WDR47: variants seen among roughly 807,000 people sequenced by gnomAD.
The protein encoded by WDR47 is WD repeat-containing protein 47.
A neutral mutation model predicts 97.2 loss-of-function variants in WDR47; 32 were observed. The ratio of observed to expected loss-of-function variants is 0.33; its 90% confidence interval spans 0.25 to 0.44. The LOEUF (loss-of-function observed/expected upper bound fraction) is 0.44, where lower values mean the gene tolerates loss of function less well. WDR47 is among the 20% of genes least tolerant of loss of function. WDR47 has a pLI of 1.00. For synonymous variants in WDR47, 375 were observed against 373.5 expected (o/e 1.00, Z -0.05); for missense variants, 782 against 1,102.3 (o/e 0.71, Z 4.11).
intron 9 of WDR47, among the ~76,000 whole-genome samples, chr1:108,990,632 T>G (rs1659254547): frequency 6.6e-6 from 1 of 152,182 alleles, no homozygotes; most frequent in Admixed American, 6.5e-5. Flanking sequence ...TGTTATCTAT[T>G]TCATCCCTAA....
chr1:108,986,792 A>G, intron 9 of WDR47, 112 bp from the exon 10 acceptor site: 1 of 888,692 alleles, frequency 1.1e-6, no homozygotes, highest in Non-Finnish European at 1.7e-6. Context: ...GGATCATGTT[A>G]GGTTTACTGC....
Position 108,983,278 on chromosome 1 carries a change from C to T in WDR47, c.2095+4G>A. The T allele has an allele frequency of 3.1e-6, 5 of 1,602,414 alleles. No individual in the cohort carries two copies. The highest frequency in any genetic ancestry group is 2.6e-6 in the Non-Finnish European group (3 of 1,174,342). On this transcript the variant is annotated splice_donor_region_variant and intron_variant, in intron 11 of 14. Transcript: ENST00000369962. ...TAGCTACTGCTTACATACTTGGGCC[C>T]TACCTGTTGCGTTACAAGTCTCTGC...
At chr1:109,001,451 T>C (rs899844988) in intron 7 of WDR47, among the ~76,000 whole-genome samples, 3 of 152,122 alleles carry the variant, frequency 2.0e-5, no homozygotes, top group South Asian at 4.1e-4. Flanking sequence ...TCAAAAAAAA[T>C]CTGTAGGTTT....
chr1:109,012,572 CAAA>C (rs57237933), intron 4 of WDR47, among the ~76,000 whole-genome samples: 1 of 73,848 alleles, frequency 1.4e-5, no homozygotes, highest in African/African-American at 6.0e-5. Flanking sequence ...GACTCCATCT[CAAA>C]AAAAAAAAAA....
At chr1:109,016,785 T>C (rs1557951003) in intron 3 of WDR47, among the ~76,000 whole-genome samples, 2 of 149,072 alleles carry the variant, frequency 1.3e-5, no homozygotes, top group Non-Finnish European at 1.5e-5. Flanking sequence ...TAATTAGATA[T>C]AGTTAAAAAA....
chr1:108,981,708 A>T, intron 13 of WDR47, 25 bp downstream of exon 13: 4 of 1,599,164 alleles, frequency 2.5e-6, no homozygotes, highest in Non-Finnish European at 3.4e-6. Flanking sequence ...TTTTTCCCAT[A>T]TATATCATTT....
chr1:109,041,982 G>A lies in WDR47; in HGVS notation c.-130C>T, dbSNP rs1032089383. On this transcript the variant is annotated 5_prime_UTR_variant, in exon 1 of 15. Coordinates refer to ENST00000369962, the MANE Select transcript of WDR47 (RefSeq NM_001142551.2). ...GCAGGAGCACGACGGCGGCGGTCTG[G>A]GTTTGGCGTCGGTCCTCCCTCCTAC... The A allele has an allele frequency of 6.6e-6, 1 of 152,250 alleles. No homozygotes were observed. The highest frequency in any genetic ancestry group is 2.4e-5 in the African/African-American group (1 of 41,442). The allele number at this position is 152,250 out of a possible 1,614,324, so 9.4% of individuals were successfully genotyped here.
chr1:109,025,265 T>C (rs929791470), intron 1 of WDR47, among the ~76,000 whole-genome samples: 1 of 150,468 alleles, frequency 6.6e-6, no homozygotes. Flanking sequence ...TGGCGAAACA[T>C]GGTCTCTACC....
intron 10 of WDR47, 93 bp from the exon 11 acceptor site, chr1:108,983,544 G>A: frequency 9.3e-7 from 1 of 1,070,030 alleles, no homozygotes. Flanking sequence ...GAAGGAAGGA[G>A]AAAAAGCGTG....
rs932615828 is a variant in WDR47, at chr1:109,023,495, T to A, written c.18A>T (p.Thr6=). 6.2e-7 allele frequency: 1 copy of A among 1,613,116 alleles called. No homozygotes were observed. Among genetic ancestry groups the A allele is most frequent in the Admixed American group, 1.7e-5 (1 of 59,922 alleles). Residue 6 remains threonine, a synonymous_variant, in exon 2 of 15, where the codon ACA becomes ACT. Transcript: ENST00000369962. MTAEE[T]VNVKEVEIIK... is the part of the protein sequence containing the mutation. Reference sequence around the variant, plus strand: ...TGATTTCAACCTCTTTTACATTCACTGTTTCTTCAGCCGTCATATTGATAG... The same window carrying A: ...TGATTTCAACCTCTTTTACATTCACAGTTTCTTCAGCCGTCATATTGATAG...
intron 12 of WDR47, among the ~76,000 whole-genome samples, chr1:108,982,146 G>C (rs1019352187): frequency 6.6e-6 from 1 of 152,086 alleles, no homozygotes; most frequent in Admixed American, 6.6e-5. Context: ...GGTCTGGTTA[G>C]TCAAATATAC....
At chr1:109,023,766 C>G (rs578262) in intron 1 of WDR47, among the ~76,000 whole-genome samples, 149,922 of 152,318 alleles carry the variant, frequency 0.98, 73,836 homozygotes, top group Middle Eastern at 1. Context: ...ATGATATAAA[C>G]TTTGTGATTT....
At chr1:109,039,816 A>C (rs1571275321) in intron 1 of WDR47, among the ~76,000 whole-genome samples, 1 of 151,968 alleles carries the variant, frequency 6.6e-6, no homozygotes, top group Admixed American at 6.6e-5. Flanking sequence ...CGGGTGGATC[A>C]CCTGAGGCTA....
chr1:108,981,890 T>G, intron 12 of WDR47, 26 bp from the exon 13 acceptor site: 1 of 1,602,990 alleles, frequency 6.2e-7, no homozygotes, highest in Non-Finnish European at 8.5e-7. Context: ...TACTCAATTA[T>G]TAAGGTGGGA....
intron 7 of WDR47, among the ~76,000 whole-genome samples, chr1:108,996,396 GA>G (rs1026237081): frequency 1.3e-5 from 2 of 151,788 alleles, no homozygotes; most frequent in African/African-American, 4.8e-5. Context: ...AATAAAAACA[GA>G]AAAAAAATTC....
chr1:109,000,616 C>T (rs920178611), intron 7 of WDR47, among the ~76,000 whole-genome samples: 4 of 150,178 alleles, frequency 2.7e-5, no homozygotes, highest in African/African-American at 4.9e-5. Context: ...GTAGAGGCTG[C>T]AGCGAGCCGT....
At chr1:109,016,990 A>C (rs1380246383) in intron 3 of WDR47, among the ~76,000 whole-genome samples, 2 of 152,216 alleles carry the variant, frequency 1.3e-5, no homozygotes, top group Non-Finnish European at 2.9e-5. Flanking sequence ...CAAAAAAATT[A>C]TACGAATTTG....
chr1:109,017,220 T>C (rs116436507), intron 3 of WDR47, among the ~76,000 whole-genome samples: 8,972 of 152,142 alleles, frequency 0.059, 336 homozygotes, highest in South Asian at 0.1. Context: ...CTGGGCAACA[T>C]GGTGAAACCC....
chr1:109,028,367 T>TTTTTG (rs1662367692), intron 1 of WDR47, among the ~76,000 whole-genome samples: 2 of 131,506 alleles, frequency 1.5e-5, no homozygotes, highest in Admixed American at 7.9e-5. Context: ...GTTGGGTTTT[T>TTTTTG]TTTTTTTTTT....
Sources: allele counts gnomAD v4.1 joint callset (sites outside exome capture counted in the v4.1 genomes callset), GRCh38; gene constraint gnomAD v4.1.1; transcripts MANE v1.5; gene names NCBI Gene and HGNC (gene_info 2026-07-23, HGNC 2026-07-21).